The following UTRN variants were observed in gnomAD, a reference collection of about 807,000 sequenced individuals.
The protein encoded by UTRN is utrophin.
A neutral mutation model predicts 463.9 loss-of-function variants in UTRN; 283 were observed. The ratio of observed to expected loss-of-function variants is 0.61; its 90% CI spans 0.55 to 0.67. UTRN has a LOEUF of 0.67. Among genes scored for constraint, UTRN ranks in the 30% least tolerant of loss-of-function variants. UTRN has a pLI of 0.00. For missense variants in UTRN, 3,922 were observed against 4,084.3 expected (o/e 0.96, Z 1.08); for synonymous variants, 1,442 against 1,431.5 (o/e 1.01, Z -0.17).
At chr6:144,657,079 C>T (rs149001640) in intron 51 of UTRN, among the ~76,000 whole-genome samples, 285 of 152,102 alleles carry the variant, frequency 1.9e-3, no homozygotes, top group African/African-American at 6.6e-3. Context: ...GGAGAAATCC[C>T]GTCTCTACTA....
chr6:144,563,043 G>T (rs1800076300), intron 50 of UTRN, among the ~76,000 whole-genome samples: 1 of 152,132 alleles, frequency 6.6e-6, no homozygotes, highest in Non-Finnish European at 1.5e-5. Context: ...TTTAATGTGG[G>T]AGCACAAATA....
chr6:144,617,829 G>GC (rs1209991996), intron 51 of UTRN, among the ~76,000 whole-genome samples: 1 of 152,146 alleles, frequency 6.6e-6, no homozygotes, highest in Non-Finnish European at 1.5e-5. Context: ...GAGTATGCTT[G>GC]CAGGGGAGCA....
At chr6:144,405,740 C>A (rs1465500569) in intron 3 of UTRN, among the ~76,000 whole-genome samples, 1 of 152,184 alleles carries the variant, frequency 6.6e-6, no homozygotes, top group African/African-American at 2.4e-5. Context: ...TTGTGGCCTC[C>A]TCCCCATCAA....
intron 51 of UTRN, among the ~76,000 whole-genome samples, chr6:144,621,215 T>G (rs566178492): frequency 6.6e-6 from 1 of 152,308 alleles, no homozygotes; most frequent in East Asian, 1.9e-4. Flanking sequence ...TACTAATAAC[T>G]GTTATTAGGA....
intron 35 of UTRN, among the ~76,000 whole-genome samples, chr6:144,512,120 C>G (rs1424325307): frequency 6.6e-6 from 1 of 152,030 alleles, no homozygotes. Flanking sequence ...CTTAATGTTA[C>G]TAAGCTTAAA....
chr6:144,783,150 C>T (rs779063978), intron 61 of UTRN, among the ~76,000 whole-genome samples: 3 of 151,146 alleles, frequency 2.0e-5, no homozygotes, highest in Admixed American at 6.6e-5. Context: ...GAGCTGAGAT[C>T]GTGCCACTCC....
chr6:144,771,017 CT>C (rs1362592995), intron 58 of UTRN, among the ~76,000 whole-genome samples: 1 of 152,148 alleles, frequency 6.6e-6, no homozygotes, highest in Non-Finnish European at 1.5e-5. Context: ...TATGACGAGA[CT>C]TTTAAGGTGT....
At chr6:144,471,244 T>G (rs79917304) in intron 23 of UTRN, among the ~76,000 whole-genome samples, 1,913 of 152,188 alleles carry the variant, frequency 0.013, 22 homozygotes, top group Middle Eastern at 0.024. Flanking sequence ...GGAAGGCTGT[T>G]GAGGCCATAA....
chr6:144,727,221 C>T (rs932761263), intron 53 of UTRN, among the ~76,000 whole-genome samples: 10 of 152,108 alleles, frequency 6.6e-5, no homozygotes, highest in Non-Finnish European at 1.0e-4. Flanking sequence ...CTTTATGTCC[C>T]GTCTTCTCTC....
intron 52 of UTRN, 126 bp downstream of exon 52, chr6:144,678,704 A>G: frequency 1.1e-6 from 1 of 916,396 alleles, no homozygotes; most frequent in Non-Finnish European, 1.6e-6. Context: ...ATAGTTTAAG[A>G]TTTTAATGCA....
intron 2 of UTRN, chr6:144,331,030 T>C (rs12212954): frequency 6.6e-4 from 648 of 985,196 alleles, no homozygotes; most frequent in Non-Finnish European, 7.5e-4. Flanking sequence ...TAAAGACTCA[T>C]TGAGAATGTG....
Position 144,428,887 on chromosome 6 carries a change from C to A in UTRN, c.688C>A (p.Pro230Thr). 5 of 1,599,722 alleles carry A rather than the reference C, an allele frequency of 3.1e-6. No individual in the cohort carries two copies. The highest frequency in any genetic ancestry group is 4.3e-6 in the Non-Finnish European group (5 of 1,171,734). Residue 230 changes from proline to threonine, a missense_variant, in exon 8 of 75, where the codon CCT becomes ACT. Around this residue, in one of 3 missense-constraint regions of UTRN, gnomAD observed 264 missense variants for 327.9 expected, o/e 0.81. Transcript: ENST00000367545. ...TTTGGGAATTGAAAAGCTGTTAGAT[C>A]CTGAAGGTATTGTCCAGTATTTAAT... ...TYLGIEKLLDPEDVAVQLPDK... is the reference protein window; with the variant it reads ...TYLGIEKLLDTEDVAVQLPDK...
At chr6:144,507,123 A>G (rs1427096329) in intron 34 of UTRN, among the ~76,000 whole-genome samples, 1 of 151,408 alleles carries the variant, frequency 6.6e-6, no homozygotes, top group African/African-American at 2.4e-5. Flanking sequence ...CAGGTCATTT[A>G]TGTTCTTCTC....
chr6:144,649,150 G>A (rs1322250247), intron 51 of UTRN, among the ~76,000 whole-genome samples: 1 of 152,040 alleles, frequency 6.6e-6, no homozygotes, highest in Non-Finnish European at 1.5e-5. Context: ...GGTCCTCAGT[G>A]GGTGGATAAA....
chr6:144,660,397 T>C (rs1779748859), intron 51 of UTRN: 1 of 388,860 alleles, frequency 2.6e-6, no homozygotes, highest in African/African-American at 2.1e-5. Context: ...TTATAAGGAA[T>C]ATTCAATTTT....
At position 144,555,309 on chromosome 6, in the gene UTRN, A is replaced by G. The variant is rs546484709; in HGVS notation, c.7134+416A>G. Among the ~76,000 whole-genome samples, 184 of 152,318 alleles carry G rather than the reference A, an allele frequency of 1.2e-3. 1 individual carries two copies. Among genetic ancestry groups the G allele is most frequent in the Middle Eastern group, 0.01 (3 of 294 alleles). On this transcript the variant is annotated intron_variant, in intron 49 of 74. Transcript: ENST00000367545. Reference sequence around the variant, plus strand: ...TTGACTCACAGTTCATTTGAGGGCTACTGTAGTGAAGCATGACTGGGAGGT... The same window carrying G: ...TTGACTCACAGTTCATTTGAGGGCTGCTGTAGTGAAGCATGACTGGGAGGT...
At position 144,551,039 on chromosome 6, in the gene UTRN, T is replaced by C; in HGVS notation, c.6885T>C (p.Asn2295=). The C allele has an allele frequency of 1.2e-6, 2 of 1,611,842 alleles. No homozygotes were observed. Among genetic ancestry groups the C allele is most frequent in the South Asian group, 2.2e-5 (2 of 90,478 alleles). The part of the protein sequence containing the change: ...YVFTLAQNLK[N]KASSSDMRTA... ...TTACATTGGCACAGAATTTGAAAAA[T>C]AAAGCTTCCAGTTCAGATATGAGAA... is the stretch of plus-strand genomic sequence containing the variant. Residue 2295 remains asparagine (N), a synonymous_variant, in exon 48 of 75, where the codon AAT becomes AAC. Transcript: ENST00000367545.
At chr6:144,826,088 G>A (rs1005826935) in intron 66 of UTRN, among the ~76,000 whole-genome samples, 7 of 151,080 alleles carry the variant, frequency 4.6e-5, no homozygotes, top group Non-Finnish European at 1.0e-4. Context: ...CATGGCACAT[G>A]TATACATATG....
intron 47 of UTRN, among the ~76,000 whole-genome samples, chr6:144,549,791 G>C (rs1562559625): frequency 6.6e-6 from 1 of 152,158 alleles, no homozygotes; most frequent in Non-Finnish European, 1.5e-5. Context: ...AGGACAGTAG[G>C]GCCAACATTT....
Sources: gnomAD v4.1 joint callset for allele counts (sites outside exome capture counted in the v4.1 genomes callset) on GRCh38, gnomAD v4.1.1 for gene constraint, gnomAD v4.1.1 regional missense constraint, MANE v1.5 for transcripts, NCBI Gene and HGNC (gene_info 2026-07-23, HGNC 2026-07-21) for gene names.